The following HOXC13 variants were observed in gnomAD, a reference collection of about 807,000 sequenced individuals.
The protein encoded by HOXC13 is homeobox C13, also known as homeobox protein Hox-C13.
HOXC13 carries 10 observed loss-of-function variants against 25.9 expected under a neutral mutation model. The observed-to-expected ratio is 0.39, with a 90% CI of 0.24 to 0.65. The LOEUF (loss-of-function observed/expected upper bound fraction) is 0.65. Ranked by LOEUF, HOXC13 falls within the 30% of genes least tolerant of loss-of-function variation. The pLI is 0.50. For synonymous variants in HOXC13, 233 were observed against 217.1 expected, an observed-to-expected ratio of 1.07 and a Z score of -0.64; for missense variants, 439 against 478.3, an observed-to-expected ratio of 0.92 and a Z score of 0.77.
At position 53,945,058 on chromosome 12, in the gene HOXC13, G is replaced by T; in HGVS notation, c.795G>T (p.Val265=). The T allele has an allele frequency of 6.2e-7, 1 of 1,614,066 alleles. No individual in the cohort carries two copies. Among genetic ancestry groups the T allele is most frequent in the Non-Finnish European group, 8.5e-7 (1 of 1,180,002 alleles). The stretch of plus-strand genomic sequence containing the variant: ...ACCGGCGCGGGCGCAAGAAACGCGT[G>T]CCCTACACTAAGGTGCAGCTGAAGG... ...SSYRRGRKKR[V]PYTKVQLKEL... The change falls in exon 2 of 2, where the codon GTG becomes GTT. Residue 265 remains valine, a synonymous_variant. Transcript: ENST00000243056. The surrounding 1 kb of genome is among the most constrained non-coding windows in gnomAD (Gnocchi z 4.4).
In HOXC13 at chr12:53,946,129, A is replaced by C. The variant is rs1938690612; in HGVS notation, c.*873A>C. 1.3e-5 allele frequency: 3 copies of C among 230,734 alleles called. No individual in the cohort carries two copies. The East Asian group carries it at 1.8e-4, about 14-fold the overall frequency. The allele number at this position is 230,734 out of a possible 1,614,324, so 14.3% of individuals were successfully genotyped here. A position where few individuals can be genotyped will look rare whatever the true frequency, so the allele number is the denominator to read the frequency against. On this transcript the variant is annotated 3_prime_UTR_variant, in exon 2 of 2. Coordinates refer to ENST00000243056, the MANE Select transcript of HOXC13 (RefSeq NM_017410.3). Reference sequence around the variant, plus strand: ...TTTTCTAAGGATAAACATCTCTTCCAAGGGGATGGAGAGTGGGTCCCTCAA... The same window carrying C: ...TTTTCTAAGGATAAACATCTCTTCCCAGGGGATGGAGAGTGGGTCCCTCAA...
In HOXC13 at chr12:53,938,990, C is replaced by T. The variant is rs567959365; in HGVS notation, c.84C>T (p.Ile28=). ...AGGACAGCGCGGCGGAGAGCGGCAT[C>T]GGCGGCGGCGGCGGAGGAGGAGGCG... The part of the protein sequence containing the change: ...VYEDSAAESG[I]GGGGGGGGGG... The change falls in exon 1 of 2, where the codon ATC becomes ATT. Residue 28 remains isoleucine, a synonymous_variant. Coordinates refer to ENST00000243056, the MANE Select transcript of HOXC13 (RefSeq NM_017410.3). 6.7e-7 allele frequency: 1 copy of T among 1,486,570 alleles called. No individual in the cohort carries two copies. Among genetic ancestry groups the T allele is most frequent in the Non-Finnish European group, 8.9e-7 (1 of 1,123,916 alleles). 92.1% of individuals were successfully genotyped at this position (1,486,570 alleles called of 1,614,324 possible).
At chr12:53,941,326 T>G (rs1592184470) in intron 1 of HOXC13, among the ~76,000 whole-genome samples, 2 of 152,182 alleles carry the variant, frequency 1.3e-5, no homozygotes, top group Non-Finnish European at 2.9e-5. Flanking sequence ...CAGGAATTCC[T>G]GGGGCAGGGA....
Position 53,945,488 on chromosome 12 carries a change from C to T in HOXC13, c.*232C>T. On this transcript the variant is annotated 3_prime_UTR_variant, in exon 2 of 2. Coordinates refer to ENST00000243056, the MANE Select transcript of HOXC13 (RefSeq NM_017410.3). The surrounding 1 kb of genome is among the most constrained non-coding windows in gnomAD (Gnocchi z 4.4). ...GATGGGACTCACGTGGCTTCAACAG[C>T]TTTGGAAATGGGTCCCGAGTGGGCC... 1 of 578,926 alleles carries T rather than the reference C, an allele frequency of 1.7e-6. No individual in the cohort carries two copies. Among genetic ancestry groups the T allele is most frequent in the East Asian group, 2.9e-5 (1 of 34,700 alleles). The allele number at this position is 578,926 out of a possible 1,614,324, so 35.9% of individuals were successfully genotyped here.
In HOXC13 at chr12:53,945,344, G is replaced by C; in HGVS notation, c.*88G>C. ...GGAAAGACGCTGCGCGGGTGCAGAA[G>C]AGTATTTAATGTTAAGGAAAGAGAA... On this transcript the variant is annotated 3_prime_UTR_variant, in exon 2 of 2. Coordinates refer to ENST00000243056, the MANE Select transcript of HOXC13 (RefSeq NM_017410.3). The surrounding 1 kb of genome is among the most constrained non-coding windows in gnomAD (Gnocchi z 4.4). 6.7e-7 allele frequency: 1 copy of C among 1,494,652 alleles called. No homozygotes were observed. 92.6% of individuals were successfully genotyped at this position (1,494,652 alleles called of 1,614,324 possible).
At position 53,945,341 on chromosome 12, in the gene HOXC13, G is replaced by A; in HGVS notation, c.*85G>A. 1 of 1,502,746 alleles carries A rather than the reference G, an allele frequency of 6.7e-7. No homozygotes were observed. The allele number at this position is 1,502,746 out of a possible 1,614,324, so 93.1% of individuals were successfully genotyped here. A position where few individuals can be genotyped will look rare whatever the true frequency, so the allele number is the denominator to read the frequency against. The stretch of plus-strand genomic sequence containing the variant: ...CACGGAAAGACGCTGCGCGGGTGCA[G>A]AAGAGTATTTAATGTTAAGGAAAGA... On this transcript the variant is annotated 3_prime_UTR_variant, in exon 2 of 2. Coordinates refer to ENST00000243056, the MANE Select transcript of HOXC13 (RefSeq NM_017410.3). The surrounding 1 kb of genome is among the most constrained non-coding windows in gnomAD (Gnocchi z 4.4).
chr12:53,939,620 C>T lies in HOXC13; in HGVS notation c.714C>T (p.His238=), dbSNP rs2136355225. The T allele has an allele frequency of 2.0e-6, 3 of 1,520,072 alleles. No homozygotes were observed. The highest frequency in any genetic ancestry group is 2.7e-6 in the Non-Finnish European group (3 of 1,129,366). The allele number at this position is 1,520,072 out of a possible 1,614,324, so 94.2% of individuals were successfully genotyped here. The change falls in exon 1 of 2, where the codon CAC becomes CAT. Residue 238 remains histidine, a synonymous_variant. Transcript: ENST00000243056. This position sits in a 1 kb window ranked among gnomAD's most constrained non-coding sequence, Gnocchi z 6.7. Reference sequence around the variant, plus strand: ...CCAAGGAGCAGTCGCAGTCCGCCCACCTCTGGAAGTCTCCCTTCCCAGGTA... The same window carrying T: ...CCAAGGAGCAGTCGCAGTCCGCCCATCTCTGGAAGTCTCCCTTCCCAGGTA... ...YCSKEQSQSA[H]LWKSPFPDVV...
In HOXC13 at chr12:53,945,924, C is replaced by T. The variant is rs560924593; in HGVS notation, c.*668C>T. ...CATCCCAACCAAGAAACTGCATTTC[C>T]TGGGGCCAGGTGGGAGCTGCCTTTG... On this transcript the variant is annotated 3_prime_UTR_variant, in exon 2 of 2. Transcript: ENST00000243056. The surrounding 1 kb of genome is among the most constrained non-coding windows in gnomAD (Gnocchi z 4.4). 1 of 232,420 alleles carries T rather than the reference C, an allele frequency of 4.3e-6. No homozygotes were observed. 14.4% of individuals were successfully genotyped at this position (232,420 alleles called of 1,614,324 possible).
intron 1 of HOXC13, among the ~76,000 whole-genome samples, chr12:53,940,606 G>T (rs551693332): frequency 3.9e-5 from 6 of 152,332 alleles, no homozygotes; most frequent in Non-Finnish European, 7.3e-5. Flanking sequence ...TCTCCTTGCG[G>T]ACAAGACCAG....
Position 53,946,045 on chromosome 12 carries a change from C to CCTCT in HOXC13, c.*800_*803dup. The CCTCT allele has an allele frequency of 4.4e-6, 1 of 229,114 alleles. No individual in the cohort carries two copies. 14.2% of individuals were successfully genotyped at this position (229,114 alleles called of 1,614,324 possible). A position where few individuals can be genotyped will look rare whatever the true frequency, so the allele number is the denominator to read the frequency against. ...ACGCTGCTAAATAGGGCTCCTCTCT[C>CCTCT]CTCTCTCTCTCTCTAGGTGGTAAGG... On this transcript the variant is annotated 3_prime_UTR_variant, in exon 2 of 2. Transcript: ENST00000243056.
intron 1 of HOXC13, among the ~76,000 whole-genome samples, chr12:53,943,237 T>C (rs1230001826): frequency 6.6e-6 from 1 of 152,116 alleles, no homozygotes; most frequent in East Asian, 1.9e-4. Context: ...CCTGAAAAAA[T>C]GTTCTGAGGA....
In HOXC13 at chr12:53,939,092, C is replaced by T; in HGVS notation, c.186C>T (p.Ser62=). ...GKAPSMDGLG[S]SCPASHCRDL... is the part of the protein sequence containing the mutation. ...CCCCGAGCATGGATGGTCTGGGCAGCAGCTGCCCGGCCAGCCACTGCCGCG... is the reference window on the plus strand; with the variant it reads ...CCCCGAGCATGGATGGTCTGGGCAGTAGCTGCCCGGCCAGCCACTGCCGCG... The change falls in exon 1 of 2, where the codon AGC becomes AGT. Residue 62 remains serine, a synonymous_variant. Transcript: ENST00000243056. The surrounding 1 kb of genome is among the most constrained non-coding windows in gnomAD (Gnocchi z 6.7). 7.0e-7 allele frequency: 1 copy of T among 1,433,710 alleles called. No individual in the cohort carries two copies. The allele number at this position is 1,433,710 out of a possible 1,614,324, so 88.8% of individuals were successfully genotyped here.
chr12:53,939,152 G>T lies in HOXC13; in HGVS notation c.246G>T (p.Pro82=). Residue 82 remains proline, a synonymous_variant, in exon 1 of 2, where the codon CCG becomes CCT. Coordinates refer to ENST00000243056, the MANE Select transcript of HOXC13 (RefSeq NM_017410.3). The surrounding 1 kb of genome is among the most constrained non-coding windows in gnomAD (Gnocchi z 6.7). ...LLPHPVLGRP[P]APLGAPQGAV... is the part of the protein sequence containing the mutation. ...CGCACCCCGTGCTGGGCCGCCCGCC[G>T]GCTCCCCTGGGCGCCCCTCAGGGCG... The T allele has an allele frequency of 6.8e-7, 1 of 1,472,276 alleles. No individual in the cohort carries two copies. The highest frequency in any genetic ancestry group is 8.9e-7 in the Non-Finnish European group (1 of 1,123,304). 91.2% of individuals were successfully genotyped at this position (1,472,276 alleles called of 1,614,324 possible). A position where few individuals can be genotyped will look rare whatever the true frequency, so the allele number is the denominator to read the frequency against.
In HOXC13 at chr12:53,939,207, G is replaced by A; in HGVS notation, c.301G>A (p.Ala101Thr). Reference protein sequence around the residue: ...AVYTDIPAPEAARQCAPPPAP... With the variant: ...AVYTDIPAPETARQCAPPPAP... The stretch of plus-strand genomic sequence containing the variant: ...CTATACGGACATCCCGGCCCCGGAG[G>A]CGGCGCGCCAGTGTGCCCCGCCGCC... Residue 101 changes from alanine (A) to threonine (T), a missense_variant, in exon 1 of 2, where the codon GCG becomes ACG. Ala to Thr is a moderately conservative substitution (Grantham distance 58). Coordinates refer to ENST00000243056, the MANE Select transcript of HOXC13 (RefSeq NM_017410.3). The surrounding 1 kb of genome is among the most constrained non-coding windows in gnomAD (Gnocchi z 6.7). The A allele has an allele frequency of 6.5e-7, 1 of 1,530,414 alleles. No individual in the cohort carries two copies. Among genetic ancestry groups the A allele is most frequent in the South Asian group, 1.2e-5 (1 of 82,772 alleles). The allele number at this position is 1,530,414 out of a possible 1,614,324, so 94.8% of individuals were successfully genotyped here. A position where few individuals can be genotyped will look rare whatever the true frequency, so the allele number is the denominator to read the frequency against.
At position 53,945,378 on chromosome 12, in the gene HOXC13, C is replaced by A; in HGVS notation, c.*122C>A. ...ATGTTAAGGAAAGAGAAGAACCGCG[C>A]CGCCCGGAGGCAGAGAGGCTCCATG... On this transcript the variant is annotated 3_prime_UTR_variant, in exon 2 of 2. Coordinates refer to ENST00000243056, the MANE Select transcript of HOXC13 (RefSeq NM_017410.3). This position sits in a 1 kb window ranked among gnomAD's most constrained non-coding sequence, Gnocchi z 4.4. 1 of 1,224,346 alleles carries A rather than the reference C, an allele frequency of 8.2e-7. No individual in the cohort carries two copies. The highest frequency in any genetic ancestry group is 1.1e-6 in the Non-Finnish European group (1 of 876,124). 75.8% of individuals were successfully genotyped at this position (1,224,346 alleles called of 1,614,324 possible).
intron 1 of HOXC13, 42 bp from the exon 2 acceptor site, chr12:53,944,958 C>T: frequency 6.2e-7 from 1 of 1,610,156 alleles, no homozygotes; most frequent in Admixed American, 1.7e-5. Flanking sequence ...CTCAGTCCAG[C>T]CGCTTGCCTC....
At position 53,938,979 on chromosome 12, in the gene HOXC13, G is replaced by C. The variant is rs1254060003; in HGVS notation, c.73G>C (p.Glu25Gln). The C allele has an allele frequency of 6.6e-6, 10 of 1,519,444 alleles. No homozygotes were observed. Among genetic ancestry groups the C allele is most frequent in the Non-Finnish European group, 8.8e-6 (10 of 1,139,900 alleles). The allele number at this position is 1,519,444 out of a possible 1,614,324, so 94.1% of individuals were successfully genotyped here. A position where few individuals can be genotyped will look rare whatever the true frequency, so the allele number is the denominator to read the frequency against. ...LMYVYEDSAA[E>Q]SGIGGGGGGG... is the part of the protein sequence containing the mutation. ...GTACGTCTATGAGGACAGCGCGGCGGAGAGCGGCATCGGCGGCGGCGGCGG... is the reference window on the plus strand; with the variant it reads ...GTACGTCTATGAGGACAGCGCGGCGCAGAGCGGCATCGGCGGCGGCGGCGG... The change falls in exon 1 of 2, where the codon GAG becomes CAG. Residue 25 changes from glutamate (E) to glutamine (Q), a missense_variant. By Grantham distance (29) the Glu-to-Gln change is conservative. Coordinates refer to ENST00000243056, the MANE Select transcript of HOXC13 (RefSeq NM_017410.3).
At chr12:53,943,034 G>A (rs1015843183) in intron 1 of HOXC13, among the ~76,000 whole-genome samples, 2 of 152,168 alleles carry the variant, frequency 1.3e-5, no homozygotes, top group Non-Finnish European at 2.9e-5. Flanking sequence ...TTACCCTACT[G>A]TATTCTTCTC....
intron 1 of HOXC13, among the ~76,000 whole-genome samples, chr12:53,940,662 G>C (rs985624832): frequency 6.6e-6 from 1 of 152,204 alleles, no homozygotes; most frequent in Non-Finnish European, 1.5e-5. Context: ...ATCCTGCCTT[G>C]TGCTGAGAAA....
Sources: gnomAD v4.1 joint callset for allele counts (sites outside exome capture counted in the v4.1 genomes callset) on GRCh38, gnomAD v4.1.1 for gene constraint, Gnocchi (gnomAD v3.1) non-coding constraint, MANE v1.5 for transcripts, NCBI Gene and HGNC (gene_info 2026-07-23, HGNC 2026-07-21) for gene names.